AUTS2: variants seen among roughly 807,000 people sequenced by gnomAD.
The protein encoded by AUTS2 is activator of transcription and developmental regulator AUTS2, also known as autism susceptibility gene 2 protein.
Under a neutral mutation model 112.4 loss-of-function variants are expected in AUTS2, and 17 were observed. That is an observed-to-expected ratio of 0.15 (90% CI 0.10 to 0.23). The LOEUF is 0.23. Ranked by LOEUF, AUTS2 falls within the 10% of genes least tolerant of loss-of-function variation. The probability of loss-of-function intolerance (pLI) is 1.00; values close to 1 mark genes in which losing one functional copy is unlikely to be tolerated. For missense variants in AUTS2, 1,510 were observed against 1,701.6 expected, an observed-to-expected ratio of 0.89 and a Z score of 1.98; for synonymous variants, 751 against 702.7, an observed-to-expected ratio of 1.07 and a Z score of -1.09.
intron 4 of AUTS2, among the ~76,000 whole-genome samples, chr7:70,298,028 GGTTT>G (rs915063791): frequency 4.0e-5 from 6 of 151,598 alleles, no homozygotes; most frequent in African/African-American, 1.5e-4. Context: ...GTTTTTTTTG[GGTTT>G]TTTTTGTTTT....
At chr7:70,672,339 G>A (rs528835991) in intron 5 of AUTS2, among the ~76,000 whole-genome samples, 1 of 152,312 alleles carries the variant, frequency 6.6e-6, no homozygotes, top group South Asian at 2.1e-4. Context: ...TCCAAAGAAG[G>A]CAATATTACT....
At chr7:70,529,109 G>C (rs1424379552) in intron 5 of AUTS2, among the ~76,000 whole-genome samples, 1 of 152,130 alleles carries the variant, frequency 6.6e-6, no homozygotes, top group Admixed American at 6.5e-5. Context: ...ACAAACACAT[G>C]AAAGAGCTAC....
intron 1 of AUTS2, among the ~76,000 whole-genome samples, chr7:69,891,949 T>G (rs1257551942): frequency 2.0e-5 from 3 of 147,446 alleles, no homozygotes; most frequent in Admixed American, 2.0e-4. Flanking sequence ...CATGCCACCA[T>G]GCCCAGCTAA....
intron 5 of AUTS2, among the ~76,000 whole-genome samples, chr7:70,449,290 A>G (rs937882343): frequency 6.6e-6 from 1 of 152,202 alleles, no homozygotes; most frequent in African/African-American, 2.4e-5. Flanking sequence ...AGTTTTAGCT[A>G]CAGGCAGAGA....
At chr7:70,266,538 T>A (rs1167866610) in intron 4 of AUTS2, among the ~76,000 whole-genome samples, 2 of 152,172 alleles carry the variant, frequency 1.3e-5, no homozygotes, top group South Asian at 2.1e-4. Context: ...AAAGAACATT[T>A]AAAAAAATTA....
chr7:70,506,187 A>C (rs1403492602), intron 5 of AUTS2, among the ~76,000 whole-genome samples: 1 of 152,176 alleles, frequency 6.6e-6, no homozygotes, highest in East Asian at 1.9e-4. Flanking sequence ...AACAGAAGGT[A>C]GAAGATTTCC....
chr7:70,036,117 G>C (rs908669492), intron 2 of AUTS2, among the ~76,000 whole-genome samples: 1 of 152,166 alleles, frequency 6.6e-6, no homozygotes, highest in Non-Finnish European at 1.5e-5. Context: ...TAGCGGCGCC[G>C]GCCAGAGGTG....
chr7:70,610,118 G>A (rs1804009673), intron 5 of AUTS2, among the ~76,000 whole-genome samples: 1 of 152,042 alleles, frequency 6.6e-6, no homozygotes, highest in Non-Finnish European at 1.5e-5. Context: ...TCTTGCCTTA[G>A]CCTCTGAGTA....
Position 70,631,134 on chromosome 7 carries a change from G to A in AUTS2, c.691-67435G>A, listed in dbSNP as rs868351097. Among the ~76,000 whole-genome samples, 6 of 152,164 alleles carry A rather than the reference G, an allele frequency of 3.9e-5. No homozygotes were observed. Among genetic ancestry groups the A allele is most frequent in the East Asian group, 1.9e-4 (1 of 5,190 alleles). ...CAGCAACCCGCTCTGGCCCCTCGCC[G>A]CGCCATTCCTGATGACAAACTGCCA... is the stretch of plus-strand genomic sequence containing the variant. On this transcript the variant is annotated intron_variant, in intron 5 of 18. Transcript: ENST00000342771. This position sits in a 1 kb window ranked among gnomAD's most constrained non-coding sequence, Gnocchi z 4.5.
Position 70,771,597 on chromosome 7 carries a change from C to G in AUTS2, c.1783C>G (p.Pro595Ala), listed in dbSNP as rs1790345082. Residue 595 changes from proline (P) to alanine (A), a missense_variant, in exon 11 of 19, where the codon CCA (proline) becomes GCA (alanine). Physicochemically the swap from Pro to Ala is conservative, Grantham distance 27. Transcript: ENST00000342771. ...PAVSGIPPMIPPTGPFGSLQG... is the reference protein window; with the variant it reads ...PAVSGIPPMIAPTGPFGSLQG... ...AGTGTCGGGCATCCCCCCTATGATC[C>G]CACCCACTGGCCCTTTTGGTTCACT... is the stretch of plus-strand genomic sequence containing the variant. 6.2e-7 allele frequency: 1 copy of G among 1,613,668 alleles called. No homozygotes were observed. The highest frequency in any genetic ancestry group is 1.1e-5 in the South Asian group (1 of 91,018).
chr7:69,707,347 T>G (rs1798108239), intron 1 of AUTS2, among the ~76,000 whole-genome samples: 1 of 152,252 alleles, frequency 6.6e-6, no homozygotes, highest in Non-Finnish European at 1.5e-5. Context: ...TTGTGACTAT[T>G]GCTAGAGGTA....
chr7:69,963,684 C>T (rs1797521148), intron 2 of AUTS2, among the ~76,000 whole-genome samples: 1 of 152,144 alleles, frequency 6.6e-6, no homozygotes, highest in Non-Finnish European at 1.5e-5. Context: ...TTAATTCTTA[C>T]AGGAATCCTC....
chr7:70,575,298 C>T (rs1406577834), intron 5 of AUTS2, among the ~76,000 whole-genome samples: 3 of 152,142 alleles, frequency 2.0e-5, no homozygotes, highest in African/African-American at 4.8e-5. Context: ...CACTAATGAG[C>T]AGGCACATGG....
At chr7:70,072,386 G>A (rs929712590) in intron 2 of AUTS2, among the ~76,000 whole-genome samples, 8 of 152,176 alleles carry the variant, frequency 5.3e-5, no homozygotes, top group African/African-American at 1.9e-4. Context: ...AACTTGATGT[G>A]TAGGCCATTC....
intron 4 of AUTS2, among the ~76,000 whole-genome samples, chr7:70,337,910 TAG>T (rs1400309512): frequency 6.6e-6 from 1 of 152,224 alleles, no homozygotes; most frequent in African/African-American, 2.4e-5. Context: ...GCTTGCAGTG[TAG>T]TGTGACTCAA....
chr7:70,363,465 G>GAAAAAAAA (rs369462886), intron 4 of AUTS2, among the ~76,000 whole-genome samples: 1 of 110,772 alleles, frequency 9.0e-6, no homozygotes, highest in Non-Finnish European at 1.9e-5. Context: ...ATAAAAAAAA[G>GAAAAAAAA]AAAAAAAAAA....
rs1488149657 is a variant in AUTS2, at chr7:69,599,725, G to A, written c.72G>A (p.Arg24=). The stretch of plus-strand genomic sequence containing the variant: ...CGCGGTCGCAGCGAGACCGGGAGAG[G>A]CGCTCCCGGGGCGGGCTGGGGGCCG... The part of the protein sequence containing the change: ...RRSRSQRDRE[R]RSRGGLGAGA... The change falls in exon 1 of 19, where the codon AGG becomes AGA. Residue 24 remains arginine (R), a synonymous_variant. Coordinates refer to ENST00000342771, the MANE Select transcript of AUTS2 (RefSeq NM_015570.4). This position sits in a 1 kb window ranked among gnomAD's most constrained non-coding sequence, Gnocchi z 7.0. The A allele has an allele frequency of 1.5e-6, 2 of 1,324,650 alleles. No homozygotes were observed. Among genetic ancestry groups the A allele is most frequent in the Non-Finnish European group, 1.9e-6 (2 of 1,042,646 alleles). 82.1% of individuals were successfully genotyped at this position (1,324,650 alleles called of 1,614,324 possible). A position where few individuals can be genotyped will look rare whatever the true frequency, so the allele number is the denominator to read the frequency against.
intron 4 of AUTS2, among the ~76,000 whole-genome samples, chr7:70,157,137 T>A (rs1391739457): frequency 6.6e-6 from 1 of 151,988 alleles, no homozygotes; most frequent in East Asian, 1.9e-4. Context: ...CATTTTTCTA[T>A]AATTTTCTAA....
intron 3 of AUTS2, among the ~76,000 whole-genome samples, chr7:70,121,170 TA>T: frequency 6.6e-6 from 1 of 152,300 alleles, no homozygotes; most frequent in East Asian, 1.9e-4. Context: ...ATTGGACTCC[TA>T]CATCGCACTA....
Sources: gnomAD v4.1 joint callset for allele counts (sites outside exome capture counted in the v4.1 genomes callset) on GRCh38, gnomAD v4.1.1 for gene constraint, Gnocchi (gnomAD v3.1) non-coding constraint, MANE v1.5 for transcripts, NCBI Gene and HGNC (gene_info 2026-07-23, HGNC 2026-07-21) for gene names.